The following BMPR1B variants were observed in gnomAD, a reference collection of about 807,000 sequenced individuals.
BMPR1B encodes the protein bone morphogenetic protein receptor type 1B.
A neutral mutation model predicts 59.1 loss-of-function variants in BMPR1B; 12 were observed. The ratio of observed to expected loss-of-function variants is 0.20; its 90% confidence interval spans 0.13 to 0.33. BMPR1B has a LOEUF of 0.33. BMPR1B is among the 10% of genes least tolerant of loss of function. The probability of loss-of-function intolerance (pLI) is 1.00; values close to 1 mark genes in which losing one functional copy is unlikely to be tolerated. For missense variants in BMPR1B, 550 were observed against 610.9 expected (o/e 0.90, Z 1.05); for synonymous variants, 237 against 207.3 (o/e 1.14, Z -1.23).
intron 3 of BMPR1B, among the ~76,000 whole-genome samples, chr4:95,086,997 T>C (rs1391134011): frequency 1.7e-5 from 1 of 57,754 alleles, no homozygotes; most frequent in Non-Finnish European, 3.9e-5. Context: ...CTCATATCCT[T>C]CTTTTTTTTT....
intron 2 of BMPR1B, among the ~76,000 whole-genome samples, chr4:94,948,402 A>G (rs1729799018): frequency 6.6e-6 from 1 of 152,194 alleles, no homozygotes; most frequent in Non-Finnish European, 1.5e-5. Flanking sequence ...TAGTTCTTTG[A>G]GTCTGTGACC....
At chr4:94,873,505 C>A (rs1407104739) in intron 1 of BMPR1B, among the ~76,000 whole-genome samples, 1 of 151,160 alleles carries the variant, frequency 6.6e-6, no homozygotes, top group Non-Finnish European at 1.5e-5. Flanking sequence ...CTCCTGGGTT[C>A]AAGCGATTCC....
intron 1 of BMPR1B, among the ~76,000 whole-genome samples, chr4:94,847,173 A>G (rs923994036): frequency 2.0e-5 from 3 of 152,218 alleles, no homozygotes; most frequent in African/African-American, 7.2e-5. Context: ...GCAAACAGGT[A>G]TATAAAAAGG....
chr4:95,016,513 G>A (rs1055944354), intron 3 of BMPR1B, among the ~76,000 whole-genome samples: 2 of 152,210 alleles, frequency 1.3e-5, no homozygotes, highest in Admixed American at 1.3e-4. Flanking sequence ...TTTGGGAGTA[G>A]TATTAAGGAA....
intron 1 of BMPR1B, among the ~76,000 whole-genome samples, chr4:94,780,622 T>G (rs1438026705): frequency 2.6e-5 from 4 of 151,822 alleles, no homozygotes; most frequent in African/African-American, 9.7e-5. Flanking sequence ...CCTATAGCAG[T>G]ATACATCCTA....
At chr4:95,005,603 G>C (rs1037996813) in intron 3 of BMPR1B, among the ~76,000 whole-genome samples, 1 of 151,848 alleles carries the variant, frequency 6.6e-6, no homozygotes, top group Non-Finnish European at 1.5e-5. Flanking sequence ...TTCTTGATCC[G>C]TCTTCTTCCC....
intron 3 of BMPR1B, among the ~76,000 whole-genome samples, chr4:95,070,024 G>A (rs554603733): frequency 1.8e-4 from 28 of 152,254 alleles, no homozygotes; most frequent in African/African-American, 2.6e-4. Flanking sequence ...GCTTGAACCC[G>A]GGAAGCAGAG....
intron 1 of BMPR1B, among the ~76,000 whole-genome samples, chr4:94,861,928 G>A (rs1725992310): frequency 6.6e-6 from 1 of 152,064 alleles, no homozygotes; most frequent in Non-Finnish European, 1.5e-5. Context: ...TCCCAAGTCT[G>A]AGTTTTATTC....
At chr4:94,783,479 G>C (rs1321161321) in intron 1 of BMPR1B, among the ~76,000 whole-genome samples, 1 of 152,162 alleles carries the variant, frequency 6.6e-6, no homozygotes, top group Admixed American at 6.5e-5. Context: ...GTTAAAGTTA[G>C]TCCCTTTAAG....
intron 3 of BMPR1B, among the ~76,000 whole-genome samples, chr4:95,101,173 G>A (rs1003488298): frequency 5.3e-5 from 8 of 152,104 alleles, no homozygotes; most frequent in African/African-American, 9.7e-5. Context: ...TAAAGAAGGC[G>A]CGTACCAGGC....
At chr4:95,104,892 T>G (rs1731092734) in intron 4 of BMPR1B, among the ~76,000 whole-genome samples, 5 of 150,270 alleles carry the variant, frequency 3.3e-5, no homozygotes, top group Admixed American at 3.3e-4. Context: ...CATCAGAGGC[T>G]GTCAAATGCG....
At chr4:95,129,171 GTAATGAGGAGCCTTGGCATGC>G (rs1400044728) in intron 8 of BMPR1B, among the ~76,000 whole-genome samples, 2 of 152,168 alleles carry the variant, frequency 1.3e-5, no homozygotes, top group Non-Finnish European at 2.9e-5. Flanking sequence ...GAGAGCATTT[GTAATGAGGAGCCTTGGCATGC>G]TACCAACCCA....
chr4:94,826,817 C>T (rs868636054), intron 1 of BMPR1B, among the ~76,000 whole-genome samples: 19 of 152,064 alleles, frequency 1.2e-4, no homozygotes, highest in African/African-American at 4.1e-4. Context: ...TTAGTCGTAT[C>T]GATTTCAGTG....
At chr4:95,103,589 ATAAT>A in intron 3 of BMPR1B, 1 of 636,156 alleles carries the variant, frequency 1.6e-6, no homozygotes, top group Non-Finnish European at 2.0e-6. Flanking sequence ...TTTGGTGTCT[ATAAT>A]TATCTCCATT....
intron 1 of BMPR1B, among the ~76,000 whole-genome samples, chr4:94,797,265 A>G (rs771529837): frequency 4.6e-5 from 7 of 152,188 alleles, no homozygotes; most frequent in Non-Finnish European, 1.0e-4. Context: ...TTCCCACAAT[A>G]TGGGGGAATT....
chr4:94,843,306 A>G (rs1578709376), intron 1 of BMPR1B, among the ~76,000 whole-genome samples: 1 of 152,326 alleles, frequency 6.6e-6, no homozygotes. Flanking sequence ...ATTTGTGGTG[A>G]TACTGTTCAT....
chr4:94,913,000 G>A (rs1299462259), intron 2 of BMPR1B, among the ~76,000 whole-genome samples: 1 of 151,146 alleles, frequency 6.6e-6, no homozygotes, highest in African/African-American at 2.4e-5. Context: ...GTCAGTTTTT[G>A]TTAAAATTGT....
chr4:95,117,501 G>A (rs1206762753), intron 6 of BMPR1B, among the ~76,000 whole-genome samples: 1 of 151,748 alleles, frequency 6.6e-6, no homozygotes, highest in Non-Finnish European at 1.5e-5. Context: ...GAGAGATGAG[G>A]GCTGGGCACA....
At chr4:95,008,204 C>G (rs773949150) in intron 3 of BMPR1B, among the ~76,000 whole-genome samples, 2 of 152,068 alleles carry the variant, frequency 1.3e-5, no homozygotes, top group Admixed American at 6.6e-5. Flanking sequence ...TCATACTGTA[C>G]GGGGAAAAGT....
Sources: gnomAD v4.1 joint callset for allele counts (sites outside exome capture counted in the v4.1 genomes callset) on GRCh38, gnomAD v4.1.1 for gene constraint, MANE v1.5 for transcripts, NCBI Gene and HGNC (gene_info 2026-07-23, HGNC 2026-07-21) for gene names.